LRRC1: variants seen among roughly 807,000 people sequenced by gnomAD.
LRRC1 encodes leucine-rich repeat-containing protein 1.
In LRRC1, 28 loss-of-function variants were observed where a neutral mutation model predicts 69.9. That is an observed-to-expected ratio of 0.40 (90% CI 0.30 to 0.55). The LOEUF is 0.55. Among genes scored for constraint, LRRC1 ranks in the 20% least tolerant of loss-of-function variants. LRRC1 has a pLI of 0.47. For synonymous variants in LRRC1, 236 were observed against 240.2 expected, an observed-to-expected ratio of 0.98 and a Z score of 0.16; for missense variants, 498 against 609.0, an observed-to-expected ratio of 0.82 and a Z score of 1.92.
At chr6:53,814,297 A>T (rs1764886862) in intron 1 of LRRC1, among the ~76,000 whole-genome samples, 1 of 152,240 alleles carries the variant, frequency 6.6e-6, no homozygotes, top group African/African-American at 2.4e-5. Flanking sequence ...ATTAGCAGAT[A>T]AAAAGGTGCT....
At chr6:53,859,584 C>G (rs1231331228) in intron 2 of LRRC1, among the ~76,000 whole-genome samples, 1 of 152,122 alleles carries the variant, frequency 6.6e-6, no homozygotes, top group East Asian at 1.9e-4. Context: ...GGAACAATGG[C>G]TTTACTACGT....
At chr6:53,899,096 T>G (rs1767964094) in intron 7 of LRRC1, among the ~76,000 whole-genome samples, 1 of 152,158 alleles carries the variant, frequency 6.6e-6, no homozygotes, top group African/African-American at 2.4e-5. Context: ...GTGGAGTCAG[T>G]GATAAGAGAG....
intron 1 of LRRC1, among the ~76,000 whole-genome samples, chr6:53,832,696 C>A (rs542505246): frequency 6.6e-6 from 1 of 152,122 alleles, no homozygotes. Flanking sequence ...GGAAAAACAA[C>A]CCTTTCTAGA....
chr6:53,884,124 G>C, intron 4 of LRRC1: 1 of 634,054 alleles, frequency 1.6e-6, no homozygotes, highest in South Asian at 1.9e-5. Flanking sequence ...TATGGTATCA[G>C]TTGCAGAGAA....
intron 1 of LRRC1, among the ~76,000 whole-genome samples, chr6:53,810,902 C>T (rs1346664948): frequency 6.6e-6 from 1 of 152,104 alleles, no homozygotes; most frequent in Non-Finnish European, 1.5e-5. Context: ...TCCAATCTGT[C>T]AACGTCTCTG....
chr6:53,813,238 C>CCATA (rs1764848057), intron 1 of LRRC1, among the ~76,000 whole-genome samples: 1 of 152,000 alleles, frequency 6.6e-6, no homozygotes, highest in Admixed American at 6.6e-5. Context: ...GTGAGTGAGG[C>CCATA]CATATTATGG....
chr6:53,853,868 A>G (rs1766224487), intron 2 of LRRC1, among the ~76,000 whole-genome samples: 1 of 152,212 alleles, frequency 6.6e-6, no homozygotes, highest in South Asian at 2.1e-4. Context: ...ATCTCTGATT[A>G]CTGATGATGA....
chr6:53,901,293 A>G (rs1480932237), intron 8 of LRRC1, among the ~76,000 whole-genome samples: 1 of 152,212 alleles, frequency 6.6e-6, no homozygotes, highest in Non-Finnish European at 1.5e-5. Context: ...ATGGCTGGGC[A>G]TGGCTCACAC....
intron 8 of LRRC1, among the ~76,000 whole-genome samples, chr6:53,900,211 G>T (rs1768014519): frequency 6.6e-6 from 1 of 151,652 alleles, no homozygotes; most frequent in South Asian, 2.1e-4. Flanking sequence ...GTAATTTTTT[G>T]TATTTTTAGT....
intron 2 of LRRC1, among the ~76,000 whole-genome samples, chr6:53,844,251 C>A (rs907344673): frequency 1.5e-4 from 9 of 61,070 alleles, no homozygotes; most frequent in Non-Finnish European, 2.9e-4. Flanking sequence ...TGCAAGGAAG[C>A]AGTGACTTTG....
intron 2 of LRRC1, among the ~76,000 whole-genome samples, chr6:53,861,431 A>G (rs919458203): frequency 1.3e-5 from 2 of 150,684 alleles, no homozygotes; most frequent in Non-Finnish European, 3.0e-5. Context: ...CTTTATCTGA[A>G]TCTCCAAGAG....
intron 2 of LRRC1, among the ~76,000 whole-genome samples, chr6:53,855,192 A>C (rs922395657): frequency 1.7e-4 from 26 of 152,254 alleles, no homozygotes; most frequent in Admixed American, 1.6e-3. Context: ...CTCTGAAGCA[A>C]TCAGCCTGTA....
chr6:53,908,712 A>G (rs1330073273), intron 10 of LRRC1, among the ~76,000 whole-genome samples: 4 of 152,184 alleles, frequency 2.6e-5, no homozygotes, highest in African/African-American at 9.6e-5. Flanking sequence ...GGGGGCAGGG[A>G]GACATTTAAG....
Position 53,913,814 on chromosome 6 carries a change from A to G in LRRC1, c.991-40A>G, listed in dbSNP as rs754721694. On this transcript the variant is annotated intron_variant, in intron 10 of 13. Transcript: ENST00000370888. ...ACTCTGATCCTACTCCATCTCCCCT[A>G]GAAAACTGGAAAAAAGATGTATTTT... 7 of 1,424,828 alleles carry G rather than the reference A, an allele frequency of 4.9e-6. No individual in the cohort carries two copies. In the South Asian group the frequency reaches 8.3e-5, roughly 17 times the overall value. 88.3% of individuals were successfully genotyped at this position (1,424,828 alleles called of 1,614,324 possible).
intron 12 of LRRC1, 133 bp downstream of exon 12, chr6:53,919,803 G>A (rs1768684243): frequency 1.4e-6 from 1 of 705,232 alleles, no homozygotes; most frequent in East Asian, 2.8e-5. Context: ...CTCAGGTGAG[G>A]CCACTGTGGG....
chr6:53,810,157 C>CAA (rs1437101768), intron 1 of LRRC1, among the ~76,000 whole-genome samples: 2 of 152,334 alleles, frequency 1.3e-5, no homozygotes, highest in East Asian at 3.9e-4. Context: ...GGAAGGCAGG[C>CAA]AGACAGTGAG....
At chr6:53,822,984 G>A (rs1478843896) in intron 1 of LRRC1, among the ~76,000 whole-genome samples, 1 of 152,162 alleles carries the variant, frequency 6.6e-6, no homozygotes, top group Non-Finnish European at 1.5e-5. Context: ...TTCCAGCTGA[G>A]CCATCACAAA....
In LRRC1 at chr6:53,902,078, C is replaced by T. The variant is rs117076287; in HGVS notation, c.788-551C>T. Reference sequence around the variant, plus strand: ...TCTGAGGAGGCTGCAGTAAGACTTGCTCTTCTTTCCCATGAACAGTGGGTA... The same window carrying T: ...TCTGAGGAGGCTGCAGTAAGACTTGTTCTTCTTTCCCATGAACAGTGGGTA... On this transcript the variant is annotated intron_variant, in intron 8 of 13. Coordinates refer to ENST00000370888, the MANE Select transcript of LRRC1 (RefSeq NM_018214.5). Among the ~76,000 whole-genome samples the T allele has an allele frequency of 3.1e-3, 478 of 152,226 alleles. 7 individuals are homozygous for T. In the East Asian group the frequency reaches 0.04, roughly 13 times the overall value.
At chr6:53,878,119 C>T (rs973193272) in intron 2 of LRRC1, among the ~76,000 whole-genome samples, 1 of 152,072 alleles carries the variant, frequency 6.6e-6, no homozygotes, top group African/African-American at 2.4e-5. Flanking sequence ...TTATAATAAC[C>T]ATCAGGTCTC....
Sources: gnomAD v4.1 joint callset for allele counts (sites outside exome capture counted in the v4.1 genomes callset) on GRCh38, gnomAD v4.1.1 for gene constraint, MANE v1.5 for transcripts, NCBI Gene and HGNC (gene_info 2026-07-23, HGNC 2026-07-21) for gene names.